Variants in FCHSD2 observed in about 807,000 individuals in gnomAD.
FCHSD2 encodes FCH and double SH3 domains 2, also known as F-BAR and double SH3 domains protein 2.
FCHSD2 carries 38 observed loss-of-function variants against 108.1 expected under a neutral mutation model. The ratio of observed to expected loss-of-function variants is 0.35; its 90% confidence interval spans 0.27 to 0.46. FCHSD2 has a LOEUF of 0.46. Ranked by LOEUF, FCHSD2 falls within the 20% of genes least tolerant of loss-of-function variation. The probability of loss-of-function intolerance (pLI) is 1.00; values close to 1 mark genes in which losing one functional copy is unlikely to be tolerated. For synonymous variants in FCHSD2, 279 were observed against 314.7 expected, an observed-to-expected ratio of 0.89 and a Z score of 1.20; for missense variants, 751 against 897.8, an observed-to-expected ratio of 0.84 and a Z score of 2.09.
At chr11:72,840,262 C>T (rs571959634) in intron 19 of FCHSD2, among the ~76,000 whole-genome samples, 1 of 152,312 alleles carries the variant, frequency 6.6e-6, no homozygotes, top group Non-Finnish European at 1.5e-5. Flanking sequence ...GCACTCAATA[C>T]ATATTTGCTG....
intron 12 of FCHSD2, among the ~76,000 whole-genome samples, chr11:72,873,328 C>CA (rs200837586): frequency 0.067 from 8,078 of 121,218 alleles, 214 homozygotes; most frequent in African/African-American, 0.083. Context: ...GACTCTGTTT[C>CA]AAAAAAAAAA....
intron 9 of FCHSD2, among the ~76,000 whole-genome samples, chr11:72,916,774 A>G (rs1006967939): frequency 2.0e-5 from 3 of 152,204 alleles, no homozygotes; most frequent in African/African-American, 7.2e-5. Flanking sequence ...TTGATGCACA[A>G]AAGCTTTTAA....
chr11:72,945,588 G>A (rs1856503296), intron 8 of FCHSD2, among the ~76,000 whole-genome samples: 1 of 152,038 alleles, frequency 6.6e-6, no homozygotes, highest in Non-Finnish European at 1.5e-5. Context: ...ACAGCAAAAG[G>A]AACTACCATC....
At chr11:73,061,976 T>G (rs931233893) in intron 3 of FCHSD2, among the ~76,000 whole-genome samples, 1 of 152,062 alleles carries the variant, frequency 6.6e-6, no homozygotes, top group Non-Finnish European at 1.5e-5. Flanking sequence ...TCAGACTGCC[T>G]CCTCAAGTGG....
chr11:72,850,514 C>T lies in FCHSD2; in HGVS notation c.1309-625G>A, dbSNP rs182083298. On this transcript the variant is annotated intron_variant, in intron 13 of 19. Coordinates refer to ENST00000409418, the MANE Select transcript of FCHSD2 (RefSeq NM_014824.3). ...GACTACAGGTGCCCACCACCACGCC[C>T]GGCTAATTTTTTGTATTTTTAGTAG... 9.1e-3 allele frequency among the ~76,000 whole-genome samples: 1,384 copies of T among 151,442 alleles called. 21 individuals carry two copies. The highest frequency in any genetic ancestry group is 0.03 in the African/African-American group (1,258 of 41,248).
chr11:73,100,125 T>C (rs953674503), intron 2 of FCHSD2, among the ~76,000 whole-genome samples: 9 of 152,152 alleles, frequency 5.9e-5, no homozygotes, highest in African/African-American at 2.2e-4. Context: ...ACTGGAAACA[T>C]GTGCTGCCCC....
Position 72,838,796 on chromosome 11 carries a change from C to A in FCHSD2, c.2218G>T (p.Val740Leu). Residue 740 changes from valine (V) to leucine (L), a missense_variant, in exon 20 of 20, where the codon GTG becomes TTG. Transcript: ENST00000409418. ...ATGGATGGGCAAGCCCATCATCACA[C>A]CAGTGTGATTTCCACATCTTCAATC... is the stretch of plus-strand genomic sequence containing the variant. ...EKIEDVEITL[V>L] 5.6e-6 allele frequency: 9 copies of A among 1,600,898 alleles called. No individual in the cohort carries two copies. The highest frequency in any genetic ancestry group is 7.7e-6 in the Non-Finnish European group (9 of 1,174,834).
At chr11:73,076,961 T>A (rs1273398557) in intron 3 of FCHSD2, among the ~76,000 whole-genome samples, 1 of 150,984 alleles carries the variant, frequency 6.6e-6, no homozygotes, top group Non-Finnish European at 1.5e-5. Context: ...ATACAAAAAA[T>A]TAGCCAGGCA....
intron 1 of FCHSD2, 114 bp from the exon 2 acceptor site, chr11:73,140,242 C>A: frequency 2.5e-5 from 13 of 530,282 alleles, no homozygotes; most frequent in East Asian, 6.3e-5. Context: ...CCCTGAAGGC[C>A]ATAAATCCAA....
chr11:73,108,984 A>C (rs1860416910), intron 2 of FCHSD2, among the ~76,000 whole-genome samples: 1 of 152,228 alleles, frequency 6.6e-6, no homozygotes, highest in African/African-American at 2.4e-5. Context: ...CATTTATTGA[A>C]GAGACTGTCC....
chr11:72,838,620 G>A lies in FCHSD2; in HGVS notation c.*171C>T, dbSNP rs988959786. 22 of 596,972 alleles carry A rather than the reference G, an allele frequency of 3.7e-5. No individual in the cohort carries two copies. The highest frequency in any genetic ancestry group is 1.7e-4 in the African/African-American group (9 of 53,542). 37.0% of individuals were successfully genotyped at this position (596,972 alleles called of 1,614,324 possible). A position where few individuals can be genotyped will look rare whatever the true frequency, so the allele number is the denominator to read the frequency against. On this transcript the variant is annotated 3_prime_UTR_variant, in exon 20 of 20. Coordinates refer to ENST00000409418, the MANE Select transcript of FCHSD2 (RefSeq NM_014824.3). The stretch of plus-strand genomic sequence containing the variant: ...AAATGACAACAAAAAAAAAAGGCAC[G>A]AAATATTCAAAACGTGGGAGGAGTC...
rs190948531 is a variant in FCHSD2 at position 72,922,374 on chromosome 11, T to G, written c.706-424A>C. ...ATTGGTAGGATTATACATTGGTATATGTATATTTACTGAACAGCAGTGACA... is the reference window on the plus strand; with the variant it reads ...ATTGGTAGGATTATACATTGGTATAGGTATATTTACTGAACAGCAGTGACA... On this transcript the variant is annotated intron_variant, in intron 8 of 19. Transcript: ENST00000409418. 2.6e-5 allele frequency among the ~76,000 whole-genome samples: 4 copies of G among 152,280 alleles called. 1 individual carries two copies. The highest frequency in any genetic ancestry group is 2.6e-4 in the Admixed American group (4 of 15,288).
chr11:72,878,854 C>A (rs1855022470), intron 12 of FCHSD2, among the ~76,000 whole-genome samples: 1 of 152,136 alleles, frequency 6.6e-6, no homozygotes, highest in Non-Finnish European at 1.5e-5. Context: ...TGCTTGTAAT[C>A]CCAGCACTTT....
At chr11:73,003,266 T>C (rs1306520130) in intron 4 of FCHSD2, among the ~76,000 whole-genome samples, 3 of 152,060 alleles carry the variant, frequency 2.0e-5, no homozygotes, top group South Asian at 4.1e-4. Context: ...AATGGAGAAA[T>C]AACAAAAATA....
At chr11:73,105,012 T>A (rs1860309092) in intron 2 of FCHSD2, among the ~76,000 whole-genome samples, 1 of 152,158 alleles carries the variant, frequency 6.6e-6, no homozygotes. Flanking sequence ...ACAATAATAA[T>A]CCCTGCTAGT....
At chr11:72,939,413 C>G (rs1306596175) in intron 8 of FCHSD2, among the ~76,000 whole-genome samples, 2 of 152,016 alleles carry the variant, frequency 1.3e-5, no homozygotes, top group African/African-American at 4.8e-5. Flanking sequence ...AATTAAGTTT[C>G]AACTTCCATG....
Position 72,891,485 on chromosome 11 carries a change from C to G in FCHSD2, c.925-1540G>C, listed in dbSNP as rs571938865. Among the ~76,000 whole-genome samples, 3 of 152,264 alleles carry G rather than the reference C, an allele frequency of 2.0e-5. No individual in the cohort carries two copies. In the South Asian group the frequency reaches 6.2e-4, roughly 32 times the overall value. ...CATTCTAATTCATTTTTGGGGTTAT[C>G]AGAAGTTTGGGAATGAACTTTACTA... On this transcript the variant is annotated intron_variant, in intron 10 of 19. Transcript: ENST00000409418.
chr11:72,852,661 TA>T (rs113840704), intron 13 of FCHSD2, among the ~76,000 whole-genome samples: 209 of 143,086 alleles, frequency 1.5e-3, no homozygotes, highest in Admixed American at 1.7e-3. Flanking sequence ...AAGATTGTCT[TA>T]AAAAAAAAAA....
chr11:72,872,441 G>A (rs1327466366), intron 12 of FCHSD2, among the ~76,000 whole-genome samples: 1 of 151,768 alleles, frequency 6.6e-6, no homozygotes, highest in African/African-American at 2.4e-5. Context: ...TTTACCTATT[G>A]TTCTCCAGCC....
Sources: gnomAD v4.1 joint callset for allele counts (sites outside exome capture counted in the v4.1 genomes callset) on GRCh38, gnomAD v4.1.1 for gene constraint, MANE v1.5 for transcripts, NCBI Gene and HGNC (gene_info 2026-07-23, HGNC 2026-07-21) for gene names.